The following GRIA4 variants were observed in gnomAD, a reference collection of about 807,000 sequenced individuals.
GRIA4 encodes glutamate receptor 4.
In GRIA4, 34 loss-of-function variants were observed where a neutral mutation model predicts 104.0. That is an observed-to-expected ratio of 0.33 (90% CI 0.25 to 0.44). The LOEUF is 0.44. GRIA4 is among the 20% of genes least tolerant of loss of function. The probability of loss-of-function intolerance (pLI) is 1.00; values close to 1 mark genes in which losing one functional copy is unlikely to be tolerated. For synonymous variants in GRIA4, 386 were observed against 381.9 expected, an observed-to-expected ratio of 1.01 and a Z score of -0.13; for missense variants, 750 against 1,096.5, an observed-to-expected ratio of 0.68 and a Z score of 4.46.
In GRIA4 at chr11:105,794,512, T is replaced by TATATATATAC. The variant is rs1313325715; in HGVS notation, c.487+41293_487+41294insTATATATACA. Among the ~76,000 whole-genome samples the TATATATATAC allele has an allele frequency of 1.4e-3, 145 of 106,824 alleles. 4 individuals carry two copies. The highest frequency in any genetic ancestry group is 3.8e-3 in the African/African-American group (100 of 26,110). 70.1% of individuals were successfully genotyped at this position (106,824 alleles called of 152,430 possible). ...ATATATATATATATATATATATATA[T>TATATATATAC]ACATATACACACACACACATATCTG... On this transcript the variant is annotated intron_variant, in intron 4 of 16. Transcript: ENST00000282499.
chr11:105,831,436 A>T lies in GRIA4; in HGVS notation c.488-30588A>T, dbSNP rs987027962. Among the ~76,000 whole-genome samples the T allele has an allele frequency of 4.6e-5, 7 of 152,178 alleles. No homozygotes were observed. In the East Asian group the frequency reaches 1.2e-3, roughly 25 times the overall value. ...AGCTCCATCTCATGACATCAGGAAT[A>T]GCATGAGCATACGGGAAAAGGACAC... is the stretch of plus-strand genomic sequence containing the variant. On this transcript the variant is annotated intron_variant, in intron 4 of 16. Coordinates refer to ENST00000282499, the MANE Select transcript of GRIA4 (RefSeq NM_000829.4).
intron 3 of GRIA4, among the ~76,000 whole-genome samples, chr11:105,715,576 G>C (rs1954063284): frequency 6.6e-6 from 1 of 152,104 alleles, no homozygotes; most frequent in South Asian, 2.1e-4. Context: ...TACCAAATTT[G>C]AGCCAGTTTT....
chr11:105,915,957 G>A (rs1947391479), intron 10 of GRIA4, among the ~76,000 whole-genome samples: 1 of 152,154 alleles, frequency 6.6e-6, no homozygotes, highest in African/African-American at 2.4e-5. Flanking sequence ...GCCGAAGCAA[G>A]TGGACCACTT....
rs572572703 is a variant in GRIA4, at chr11:105,923,818, G to T, written c.1477-581G>T. ...TAAATGCCAATTTCCAGATTTTTGT[G>T]TGTGTGCTGAATTGGAAAATATCGT... is the stretch of plus-strand genomic sequence containing the variant. On this transcript the variant is annotated intron_variant, in intron 11 of 16. Coordinates refer to ENST00000282499, the MANE Select transcript of GRIA4 (RefSeq NM_000829.4). 2.0e-5 allele frequency among the ~76,000 whole-genome samples: 3 copies of T among 152,248 alleles called. No homozygotes were observed. The South Asian group carries it at 6.2e-4, about 32-fold the overall frequency.
intron 3 of GRIA4, 135 bp from the exon 4 acceptor site, chr11:105,752,846 T>C (rs1420617177): frequency 1.3e-6 from 1 of 783,642 alleles, no homozygotes; most frequent in Non-Finnish European, 2.1e-6. Context: ...ACTTCACTTA[T>C]ACTCTTTATC....
chr11:105,849,656 G>A (rs765588908), intron 4 of GRIA4, among the ~76,000 whole-genome samples: 11 of 152,168 alleles, frequency 7.2e-5, no homozygotes, highest in Admixed American at 2.6e-4. Context: ...GATAAGGAGA[G>A]TGCTAAGCTC....
At chr11:105,762,744 A>C (rs765076420) in intron 4 of GRIA4, among the ~76,000 whole-genome samples, 4 of 152,142 alleles carry the variant, frequency 2.6e-5, no homozygotes, top group Non-Finnish European at 4.4e-5. Flanking sequence ...TGCACATGCT[A>C]TCTAGCCTCC....
intron 16 of GRIA4, 133 bp from the exon 17 acceptor site, chr11:105,979,442 G>A (rs1234364345): frequency 1.3e-6 from 1 of 767,002 alleles, no homozygotes; most frequent in East Asian, 2.5e-5. Flanking sequence ...GTTTTCATAT[G>A]ACCAAAAGAA....
At chr11:105,681,869 C>G (rs1277896304) in intron 3 of GRIA4, among the ~76,000 whole-genome samples, 8 of 151,964 alleles carry the variant, frequency 5.3e-5, no homozygotes, top group Non-Finnish European at 1.0e-4. Context: ...TGGTGAAACC[C>G]CATCTCTACT....
chr11:105,962,601 T>G (rs980674685), intron 14 of GRIA4, among the ~76,000 whole-genome samples: 43 of 152,118 alleles, frequency 2.8e-4, no homozygotes, highest in African/African-American at 1.0e-3. Flanking sequence ...CCGAATCAAA[T>G]TCCCTGTCAT....
chr11:105,873,100 G>A (rs113567943), intron 5 of GRIA4, among the ~76,000 whole-genome samples: 1 of 152,048 alleles, frequency 6.6e-6, no homozygotes, highest in Non-Finnish European at 1.5e-5. Context: ...ACAGGCCCCA[G>A]TGTGTGATGT....
chr11:105,845,869 C>T (rs914028177), intron 4 of GRIA4, among the ~76,000 whole-genome samples: 2 of 152,128 alleles, frequency 1.3e-5, no homozygotes, highest in South Asian at 2.1e-4. Context: ...CCAGCCTGGG[C>T]GACAGAGAGA....
intron 3 of GRIA4, among the ~76,000 whole-genome samples, chr11:105,619,410 C>T (rs1271068723): frequency 6.6e-6 from 1 of 151,676 alleles, no homozygotes. Context: ...ATGTCTGAGC[C>T]AATTTTAATA....
chr11:105,898,449 C>T lies in GRIA4; in HGVS notation c.885+22C>T, dbSNP rs200601999. The T allele has an allele frequency of 3.8e-4, 510 of 1,338,168 alleles. 8 individuals are homozygous for T. The South Asian group carries it at 6.2e-3, about 16-fold the overall frequency. The allele number at this position is 1,338,168 out of a possible 1,614,324, so 82.9% of individuals were successfully genotyped here. ...AAAGGTATTTGTTTATTTTTATCTA[C>T]TGTATTACTGATAGTTTCAAAATTT... On this transcript the variant is annotated intron_variant, in intron 7 of 16. Transcript: ENST00000282499.
chr11:105,951,325 G>C (rs915304748), intron 14 of GRIA4, among the ~76,000 whole-genome samples: 9 of 152,082 alleles, frequency 5.9e-5, no homozygotes, highest in Non-Finnish European at 1.2e-4. Context: ...ACAGAGACCA[G>C]TTCTTATATT....
chr11:105,850,185 TCTC>T (rs2135985146), intron 4 of GRIA4, among the ~76,000 whole-genome samples: 1 of 152,278 alleles, frequency 6.6e-6, no homozygotes, highest in African/African-American at 2.4e-5. Flanking sequence ...TGATCTGACT[TCTC>T]CTCTTGATAA....
chr11:105,802,246 A>G (rs533245256), intron 4 of GRIA4, among the ~76,000 whole-genome samples: 6 of 152,272 alleles, frequency 3.9e-5, no homozygotes, highest in Admixed American at 2.6e-4. Flanking sequence ...ATCTGCTGGT[A>G]GAACACCAAA....
chr11:105,611,854 T>C (rs1338335211), intron 2 of GRIA4, among the ~76,000 whole-genome samples: 1 of 152,114 alleles, frequency 6.6e-6, no homozygotes, highest in Non-Finnish European at 1.5e-5. Context: ...GAAAATAAAG[T>C]TCATTTCTTC....
chr11:105,774,831 G>C (rs1273520143), intron 4 of GRIA4, among the ~76,000 whole-genome samples: 1 of 152,114 alleles, frequency 6.6e-6, no homozygotes, highest in African/African-American at 2.4e-5. Context: ...TTAAGTCCCT[G>C]CATTTTATCG....
Sources: allele counts gnomAD v4.1 joint callset (sites outside exome capture counted in the v4.1 genomes callset), GRCh38; gene constraint gnomAD v4.1.1; transcripts MANE v1.5; gene names NCBI Gene and HGNC (gene_info 2026-07-23, HGNC 2026-07-21).